The following GRM8 variants were observed in gnomAD, a reference collection of about 807,000 sequenced individuals.
GRM8 encodes glutamate metabotropic receptor 8.
In GRM8, 47 loss-of-function variants were observed where a neutral mutation model predicts 87.2. The observed-to-expected ratio is 0.54, with a 90% CI of 0.43 to 0.69. GRM8 has a LOEUF of 0.69. GRM8 is among the 30% of genes least tolerant of loss of function. The pLI is 0.00. For missense variants in GRM8, 1,019 were observed against 1,139.2 expected (o/e 0.89, Z 1.52); for synonymous variants, 396 against 404.5 (o/e 0.98, Z 0.25).
chr7:126,934,900 T>A (rs1806140587), intron 3 of GRM8, among the ~76,000 whole-genome samples: 1 of 152,194 alleles, frequency 6.6e-6, no homozygotes, highest in African/African-American at 2.4e-5. Context: ...AAATTATGTT[T>A]TTCTTAAATA....
intron 3 of GRM8, among the ~76,000 whole-genome samples, chr7:126,948,688 T>C (rs758491157): frequency 6.6e-6 from 1 of 152,098 alleles, no homozygotes; most frequent in Non-Finnish European, 1.5e-5. Context: ...CTAGTCTCTG[T>C]TGGATTTCCT....
chr7:126,781,458 T>C (rs912026211), intron 6 of GRM8, among the ~76,000 whole-genome samples: 10 of 152,330 alleles, frequency 6.6e-5, no homozygotes, highest in Non-Finnish European at 1.3e-4. Flanking sequence ...ACTTCAATCA[T>C]TCTATTTGCA....
intron 7 of GRM8, among the ~76,000 whole-genome samples, chr7:126,610,642 C>T (rs1018116894): frequency 6.6e-6 from 1 of 152,038 alleles, no homozygotes; most frequent in Non-Finnish European, 1.5e-5. Context: ...ACCTAATTAC[C>T]AGCCATCACA....
chr7:126,505,706 T>G (rs915695550), intron 9 of GRM8, among the ~76,000 whole-genome samples: 2 of 152,068 alleles, frequency 1.3e-5, no homozygotes, highest in African/African-American at 4.8e-5. Flanking sequence ...GAAGTATAAT[T>G]GTCAAATAAA....
chr7:126,531,336 A>T (rs1327188479), intron 9 of GRM8, among the ~76,000 whole-genome samples: 1 of 152,212 alleles, frequency 6.6e-6, no homozygotes, highest in Non-Finnish European at 1.5e-5. Flanking sequence ...ATCCATTAAC[A>T]TATTTTATAA....
chr7:127,030,607 A>G (rs1000208284), intron 3 of GRM8, among the ~76,000 whole-genome samples: 1 of 152,054 alleles, frequency 6.6e-6, no homozygotes, highest in African/African-American at 2.4e-5. Context: ...CTGACACATA[A>G]TAGTACTCAT....
chr7:127,244,432 A>G (rs1216914354), intron 1 of GRM8, among the ~76,000 whole-genome samples: 4 of 152,182 alleles, frequency 2.6e-5, no homozygotes, highest in Non-Finnish European at 4.4e-5. Flanking sequence ...TACGGCCTTC[A>G]CCCTTAATTC....
chr7:126,695,684 C>A (rs899152294), intron 7 of GRM8, among the ~76,000 whole-genome samples: 4 of 152,102 alleles, frequency 2.6e-5, no homozygotes, highest in South Asian at 2.1e-4. Context: ...GGTTTTTATT[C>A]GGCTTGCTAA....
At position 126,504,028 on chromosome 7, in the gene GRM8, G is replaced by A. The variant is rs143671844; in HGVS notation, c.2430+28924C>T. ...TCTTACGAGCCACTGAGAATTAGGG[G>A]TTGTTCTGTTACCCCTTCACTAACA... On this transcript the variant is annotated intron_variant, in intron 9 of 10. Coordinates refer to ENST00000339582, the MANE Select transcript of GRM8 (RefSeq NM_000845.3). Among the ~76,000 whole-genome samples the A allele has an allele frequency of 1.3e-4, 20 of 152,054 alleles. No homozygotes were observed. The East Asian group carries it at 3.9e-3, about 30-fold the overall frequency.
chr7:127,083,630 C>T (rs1250041126), intron 3 of GRM8, among the ~76,000 whole-genome samples: 1 of 151,358 alleles, frequency 6.6e-6, no homozygotes, highest in Non-Finnish European at 1.5e-5. Context: ...CCCCATACTC[C>T]TTGCATCCTA....
chr7:126,771,892 C>A (rs985536910), intron 6 of GRM8, among the ~76,000 whole-genome samples: 1 of 152,072 alleles, frequency 6.6e-6, no homozygotes, highest in Admixed American at 6.6e-5. Flanking sequence ...CCCTTAGCTG[C>A]ATGATCTAAG....
intron 7 of GRM8, among the ~76,000 whole-genome samples, chr7:126,623,148 A>G (rs1405317621): frequency 6.6e-6 from 1 of 152,224 alleles, no homozygotes; most frequent in African/African-American, 2.4e-5. Context: ...ATAATGATGT[A>G]TCATACTGAT....
At chr7:126,750,165 T>C (rs764616882) in intron 7 of GRM8, among the ~76,000 whole-genome samples, 1 of 152,028 alleles carries the variant, frequency 6.6e-6, no homozygotes, top group Non-Finnish European at 1.5e-5. Flanking sequence ...GAACTACCAA[T>C]AGACACAACA....
At chr7:126,477,579 GAGAGAAAGAA>G (rs1349944953) in intron 9 of GRM8, among the ~76,000 whole-genome samples, 1,383 of 81,272 alleles carry the variant, frequency 0.017, 24 homozygotes, top group African/African-American at 0.052. Context: ...AAGAAAGAAA[GAGAGAAAGAA>G]AGAAAGAAAG....
chr7:126,628,377 T>C (rs1417520815), intron 7 of GRM8, among the ~76,000 whole-genome samples: 1 of 152,164 alleles, frequency 6.6e-6, no homozygotes, highest in East Asian at 1.9e-4. Flanking sequence ...TGCAAATGTT[T>C]GAGTAAACTT....
At chr7:126,974,201 G>A (rs1239399403) in intron 3 of GRM8, among the ~76,000 whole-genome samples, 1 of 152,136 alleles carries the variant, frequency 6.6e-6, no homozygotes, top group African/African-American at 2.4e-5. Flanking sequence ...CTATGTATGT[G>A]TAAATATTCC....
intron 2 of GRM8, among the ~76,000 whole-genome samples, chr7:127,241,930 T>C (rs1284850871): frequency 6.6e-6 from 1 of 152,216 alleles, no homozygotes; most frequent in Non-Finnish European, 1.5e-5. Context: ...ACAATAACTT[T>C]ATTTTTACTG....
At chr7:126,619,789 C>T (rs1454498876) in intron 7 of GRM8, among the ~76,000 whole-genome samples, 5 of 152,006 alleles carry the variant, frequency 3.3e-5, no homozygotes, top group African/African-American at 4.8e-5. Context: ...CTCCTAGGAT[C>T]GAGGGATCCT....
chr7:126,633,941 G>C (rs1341226954), intron 7 of GRM8, among the ~76,000 whole-genome samples: 2 of 151,746 alleles, frequency 1.3e-5, no homozygotes, highest in Non-Finnish European at 2.9e-5. Context: ...TATATCACAA[G>C]TATATGAAAA....
Sources: allele counts gnomAD v4.1 joint callset (sites outside exome capture counted in the v4.1 genomes callset), GRCh38; gene constraint gnomAD v4.1.1; transcripts MANE v1.5; gene names NCBI Gene and HGNC (gene_info 2026-07-23, HGNC 2026-07-21).